Variants in LRRIQ1 observed in about 807,000 individuals in gnomAD.
LRRIQ1 encodes leucine-rich repeat- and IQ domain-containing protein 1.
A neutral mutation model predicts 211.9 loss-of-function variants in LRRIQ1; 210 were observed. That is an observed-to-expected ratio of 0.99 (90% CI 0.89 to 1.11). The LOEUF (loss-of-function observed/expected upper bound fraction) is 1.11, where lower values mean the gene tolerates loss of function less well. Ranked by LOEUF, LRRIQ1 falls within the 50% of genes most tolerant of loss-of-function variation. LRRIQ1 has a pLI of 0.00. For missense variants in LRRIQ1, 2,136 were observed against 1,939.5 expected (o/e 1.10, Z -1.90); for synonymous variants, 699 against 650.1 (o/e 1.08, Z -1.14).
downstream of LRRIQ1, among the ~76,000 whole-genome samples, chr12:85,265,360 T>A (rs1415845261): frequency 1.3e-5 from 2 of 152,028 alleles, no homozygotes; most frequent in Non-Finnish European, 2.9e-5. Context: ...ATAATTAATA[T>A]ATTTTAATTT....
intron 19 of LRRIQ1, among the ~76,000 whole-genome samples, chr12:85,149,297 G>A (rs1205913335): frequency 2.0e-5 from 3 of 151,884 alleles, no homozygotes; most frequent in Non-Finnish European, 4.4e-5. Context: ...TCACATTTAC[G>A]TCTTTAATCC....
intron 26 of LRRIQ1, among the ~76,000 whole-genome samples, chr12:85,238,217 G>C (rs1331219419): frequency 1.3e-5 from 2 of 151,814 alleles, no homozygotes; most frequent in African/African-American, 4.8e-5. Context: ...CCAAAGTGGG[G>C]CAGAGAGAGA....
intron 24 of LRRIQ1, among the ~76,000 whole-genome samples, chr12:85,175,515 TA>T (rs1389363948): frequency 6.6e-6 from 1 of 152,172 alleles, no homozygotes; most frequent in Non-Finnish European, 1.5e-5. Flanking sequence ...TCTATATGGT[TA>T]AATCTAAATA....
rs73381605 is a variant in LRRIQ1, at chr12:85,120,853, G to A, written c.3378-844G>A. 2.3e-3 allele frequency among the ~76,000 whole-genome samples: 351 copies of A among 152,288 alleles called. 2 individuals are homozygous for A. The highest frequency in any genetic ancestry group is 5.6e-3 in the African/African-American group (234 of 41,556). The stretch of plus-strand genomic sequence containing the variant: ...ACACTCTCTCCTTGAGAAGGGTTTC[G>A]GCTAGTAGTTCTAAATGGCTGAGCT... On this transcript the variant is annotated intron_variant, in intron 15 of 26. Coordinates refer to ENST00000393217, the MANE Select transcript of LRRIQ1 (RefSeq NM_001079910.2).
chr12:85,259,625 C>T (rs921272455), intron 1 of LRRIQ1, among the ~76,000 whole-genome samples: 41 of 152,082 alleles, frequency 2.7e-4, no homozygotes, highest in African/African-American at 9.9e-4. Context: ...AGCTTTTAAT[C>T]ACACCTAAAA....
downstream of LRRIQ1, among the ~76,000 whole-genome samples, chr12:85,265,714 T>A (rs1896403935): frequency 6.6e-6 from 1 of 152,022 alleles, no homozygotes; most frequent in Non-Finnish European, 1.5e-5. Flanking sequence ...AGATTTCATA[T>A]AAAAATACAG....
chr12:85,074,949 T>C (rs1196116465), intron 11 of LRRIQ1, among the ~76,000 whole-genome samples: 2 of 152,132 alleles, frequency 1.3e-5, no homozygotes, highest in Non-Finnish European at 2.9e-5. Flanking sequence ...TTGAATTTCA[T>C]TGACTTTCTA....
At chr12:85,160,550 G>T in intron 23 of LRRIQ1, 63 bp from the exon 24 acceptor site, 1 of 976,970 alleles carries the variant, frequency 1.0e-6, no homozygotes, top group Non-Finnish European at 1.6e-6. Flanking sequence ...AGAAATATGT[G>T]GACATTTAGA....
downstream of LRRIQ1, among the ~76,000 whole-genome samples, chr12:85,245,726 A>T (rs1895687041): frequency 2.0e-5 from 3 of 151,014 alleles, no homozygotes; most frequent in African/African-American, 7.3e-5. Flanking sequence ...ATACATTAGT[A>T]TAAAAGATAT....
intron 8 of LRRIQ1, among the ~76,000 whole-genome samples, chr12:85,064,011 ACT>A (rs1882145923): frequency 6.6e-6 from 1 of 151,714 alleles, no homozygotes; most frequent in Non-Finnish European, 1.5e-5. Context: ...GGTACAGATA[ACT>A]CTTCATTATA....
At chr12:85,089,391 TAGA>T (rs1184168696) in intron 11 of LRRIQ1, among the ~76,000 whole-genome samples, 7 of 152,182 alleles carry the variant, frequency 4.6e-5, no homozygotes, top group African/African-American at 1.7e-4. Flanking sequence ...TTGGAGGGCT[TAGA>T]AGAAGATAGG....
chr12:85,166,649 T>C (rs1891168452), intron 24 of LRRIQ1, among the ~76,000 whole-genome samples: 1 of 152,224 alleles, frequency 6.6e-6, no homozygotes, highest in Admixed American at 6.5e-5. Context: ...TAGCTGTTTA[T>C]AGTACTTGCT....
At chr12:85,058,439 G>T (rs1217458091) in intron 8 of LRRIQ1, among the ~76,000 whole-genome samples, 2 of 151,884 alleles carry the variant, frequency 1.3e-5, no homozygotes, top group Non-Finnish European at 1.5e-5. Flanking sequence ...CAATTATTTA[G>T]TTTTCCTCAT....
Position 85,067,767 on chromosome 12 carries a change from G to T in LRRIQ1, c.2695+869G>T, listed in dbSNP as rs141533420. 6.6e-3 allele frequency among the ~76,000 whole-genome samples: 1,002 copies of T among 151,686 alleles called. 15 individuals carry two copies. Among genetic ancestry groups the T allele is most frequent in the African/African-American group, 0.023 (944 of 41,402 alleles). On this transcript the variant is annotated intron_variant, in intron 10 of 26. Coordinates refer to ENST00000393217, the MANE Select transcript of LRRIQ1 (RefSeq NM_001079910.2). Reference sequence around the variant, plus strand: ...AGCCTTCTGTCAAAGTGTTTCTATTGCTGTGTCCTTTCTCTCACATTTCTA... The same window carrying T: ...AGCCTTCTGTCAAAGTGTTTCTATTTCTGTGTCCTTTCTCTCACATTTCTA...
intron 24 of LRRIQ1, among the ~76,000 whole-genome samples, chr12:85,165,079 GATA>G (rs1891084079): frequency 6.6e-6 from 1 of 152,050 alleles, no homozygotes; most frequent in Non-Finnish European, 1.5e-5. Context: ...ATATTATTAT[GATA>G]ACCTAATATT....
At chr12:85,164,195 T>C (rs76889692) in intron 24 of LRRIQ1, among the ~76,000 whole-genome samples, 1,634 of 152,304 alleles carry the variant, frequency 0.011, 16 homozygotes, top group South Asian at 0.017. Flanking sequence ...CCAAGTTTCT[T>C]TTTTTTCTGT....
chr12:85,192,569 TATAA>T (rs1892599610), intron 24 of LRRIQ1, among the ~76,000 whole-genome samples: 1 of 117,990 alleles, frequency 8.5e-6, no homozygotes, highest in African/African-American at 3.5e-5. Flanking sequence ...TATAATTATA[TATAA>T]ATATATAGTT....
intron 1 of LRRIQ1, among the ~76,000 whole-genome samples, chr12:85,255,096 C>A (rs1054325352): frequency 4.6e-5 from 7 of 151,610 alleles, no homozygotes; most frequent in African/African-American, 1.5e-4. Flanking sequence ...GTTTCATAGA[C>A]CTTATTTCCA....
At chr12:85,100,608 T>C (rs899039856) in intron 13 of LRRIQ1, among the ~76,000 whole-genome samples, 1 of 151,796 alleles carries the variant, frequency 6.6e-6, no homozygotes, top group African/African-American at 2.4e-5. Flanking sequence ...AAAAGTAAAA[T>C]TATTGTATAA....
Sources: gnomAD v4.1 joint callset for allele counts (sites outside exome capture counted in the v4.1 genomes callset) on GRCh38, gnomAD v4.1.1 for gene constraint, MANE v1.5 for transcripts, NCBI Gene and HGNC (gene_info 2026-07-23, HGNC 2026-07-21) for gene names.